The following NELL1 variants were observed in gnomAD, a reference collection of about 807,000 sequenced individuals.
NELL1 encodes neural EGFL like 1.
NELL1 carries 76 observed loss-of-function variants against 107.4 expected under a neutral mutation model. The observed-to-expected ratio is 0.71, with a 90% CI of 0.59 to 0.86. The LOEUF (loss-of-function observed/expected upper bound fraction) is 0.86. Ranked by LOEUF, NELL1 falls within the 40% of genes least tolerant of loss-of-function variation. The pLI is 0.00. For synonymous variants in NELL1, 353 were observed against 341.2 expected, an observed-to-expected ratio of 1.03 and a Z score of -0.38; for missense variants, 1,024 against 1,005.5, an observed-to-expected ratio of 1.02 and a Z score of -0.25.
intron 14 of NELL1, among the ~76,000 whole-genome samples, chr11:21,333,657 A>G (rs1483015433): frequency 2.6e-5 from 4 of 151,992 alleles, no homozygotes; most frequent in African/African-American, 7.2e-5. Context: ...CAGCTCCTGG[A>G]CTTTGTAAAG....
chr11:21,382,203 G>C (rs60803270), intron 15 of NELL1, among the ~76,000 whole-genome samples: 4,455 of 151,850 alleles, frequency 0.029, 151 homozygotes, highest in African/African-American at 0.08. Flanking sequence ...TGTGAATAGG[G>C]ACAACCTCAG....
chr11:20,990,122 G>T (rs1288830120), intron 12 of NELL1, among the ~76,000 whole-genome samples: 3 of 152,160 alleles, frequency 2.0e-5, no homozygotes, highest in African/African-American at 4.8e-5. Context: ...AATATGGGGG[G>T]AGTACAGTTT....
At position 21,481,852 on chromosome 11, in the gene NELL1, C is replaced by T. The variant is rs1427339442; in HGVS notation, c.1646-52522C>T. Among the ~76,000 whole-genome samples the T allele has an allele frequency of 5.3e-5, 8 of 152,094 alleles. No individual in the cohort carries two copies. In the East Asian group the frequency reaches 7.7e-4, roughly 15 times the overall value. On this transcript the variant is annotated intron_variant, in intron 15 of 19. Coordinates refer to ENST00000357134, the MANE Select transcript of NELL1 (RefSeq NM_006157.5). ...TTACACAAAGAGTATGCCATAGCTCCGCTGGTAGAGGTAAGAATTTTACGG... is the reference window on the plus strand; with the variant it reads ...TTACACAAAGAGTATGCCATAGCTCTGCTGGTAGAGGTAAGAATTTTACGG...
At chr11:21,057,152 A>T (rs899974420) in intron 12 of NELL1, among the ~76,000 whole-genome samples, 7 of 152,122 alleles carry the variant, frequency 4.6e-5, no homozygotes, top group Admixed American at 2.6e-4. Context: ...TAAACATGTA[A>T]ATTTTAAAAA....
intron 14 of NELL1, among the ~76,000 whole-genome samples, chr11:21,352,359 A>G (rs1407266601): frequency 2.6e-5 from 4 of 152,138 alleles, no homozygotes; most frequent in Non-Finnish European, 5.9e-5. Context: ...GTTATTGTTA[A>G]GTGCTTAGGA....
At chr11:21,029,214 ACTC>A (rs1252924332) in intron 12 of NELL1, among the ~76,000 whole-genome samples, 1 of 152,164 alleles carries the variant, frequency 6.6e-6, no homozygotes, top group African/African-American at 2.4e-5. Context: ...TGACACAAGG[ACTC>A]AAATACAGAA....
At chr11:21,521,774 T>C (rs1211532095) in intron 15 of NELL1, among the ~76,000 whole-genome samples, 1 of 152,200 alleles carries the variant, frequency 6.6e-6, no homozygotes, top group Non-Finnish European at 1.5e-5. Flanking sequence ...CATTTGTTAA[T>C]TTTTGTCTTA....
chr11:20,915,717 A>ATATATATATATATAT lies in NELL1; in HGVS notation c.604-2464_604-2463insATATATATATATATT. Among the ~76,000 whole-genome samples, 29 of 58,218 alleles carry ATATATATATATATAT rather than the reference A, an allele frequency of 5.0e-4. 1 individual carries two copies. The highest frequency in any genetic ancestry group is 1.8e-3 in the African/African-American group (20 of 11,322). The allele number at this position is 58,218 out of a possible 152,430, so 38.2% of individuals were successfully genotyped here. The stretch of plus-strand genomic sequence containing the variant: ...TCATAGATGATATATATATATATAT[A>ATATATATATATATAT]TTTTTTTTTTTTTTTTTTGAGAGGA... On this transcript the variant is annotated intron_variant, in intron 5 of 19. Transcript: ENST00000357134.
intron 15 of NELL1, among the ~76,000 whole-genome samples, chr11:21,442,770 A>G (rs745969092): frequency 1.4e-4 from 22 of 152,134 alleles, no homozygotes; most frequent in Non-Finnish European, 2.1e-4. Flanking sequence ...CTGAAGCACT[A>G]CTTAACAATA....
intron 15 of NELL1, among the ~76,000 whole-genome samples, chr11:21,466,884 TGTCCC>T (rs1854045954): frequency 1.3e-5 from 2 of 151,900 alleles, no homozygotes; most frequent in African/African-American, 4.8e-5. Flanking sequence ...GTTGAAGACT[TGTCCC>T]GTATCTCATA....
chr11:20,993,606 G>T (rs1307675917), intron 12 of NELL1, among the ~76,000 whole-genome samples: 2 of 152,092 alleles, frequency 1.3e-5, no homozygotes, highest in Non-Finnish European at 2.9e-5. Context: ...TCAAGTCTTG[G>T]ACATAAAATG....
At chr11:21,468,059 C>T (rs1370099305) in intron 15 of NELL1, among the ~76,000 whole-genome samples, 1 of 151,910 alleles carries the variant, frequency 6.6e-6, no homozygotes, top group Non-Finnish European at 1.5e-5. Flanking sequence ...GCATAAAAGG[C>T]CATTTGTAAT....
In NELL1 at chr11:20,831,292, A is replaced by T. The variant is rs966915705; in HGVS notation, c.336-16291A>T. 2.0e-5 allele frequency among the ~76,000 whole-genome samples: 3 copies of T among 152,208 alleles called. No individual in the cohort carries two copies. The East Asian group carries it at 5.8e-4, about 29-fold the overall frequency. ...TCACCTGGGGCTTACTAGAAATGCC[A>T]TATCTCAGACCCCAGCAGACCTTCT... On this transcript the variant is annotated intron_variant, in intron 3 of 19. Coordinates refer to ENST00000357134, the MANE Select transcript of NELL1 (RefSeq NM_006157.5).
intron 13 of NELL1, among the ~76,000 whole-genome samples, chr11:21,143,563 G>A (rs1855913522): frequency 6.6e-6 from 1 of 152,134 alleles, no homozygotes; most frequent in South Asian, 2.1e-4. Context: ...GCATAGTGGG[G>A]CTGTAAGGCC....
chr11:20,792,629 C>T (rs1041179533), intron 3 of NELL1, among the ~76,000 whole-genome samples: 2 of 151,714 alleles, frequency 1.3e-5, no homozygotes, highest in African/African-American at 4.8e-5. Context: ...TTTGTGTCTG[C>T]CCCCTTTTAT....
intron 12 of NELL1, among the ~76,000 whole-genome samples, chr11:21,013,090 C>T (rs1852483182): frequency 6.6e-6 from 1 of 152,134 alleles, no homozygotes; most frequent in South Asian, 2.1e-4. Context: ...TAAATTTCTG[C>T]CCAAGTTACT....
intron 12 of NELL1, among the ~76,000 whole-genome samples, chr11:21,084,791 G>C (rs550064970): frequency 1.3e-5 from 2 of 152,288 alleles, no homozygotes; most frequent in African/African-American, 4.8e-5. Flanking sequence ...ATAGTTGGGA[G>C]AGCTTAGTGG....
At chr11:21,285,978 A>C (rs1013223677) in intron 14 of NELL1, among the ~76,000 whole-genome samples, 3 of 152,210 alleles carry the variant, frequency 2.0e-5, no homozygotes, top group African/African-American at 7.2e-5. Flanking sequence ...TAGTTTTATC[A>C]GTAGGAAAGG....
chr11:20,917,383 A>C (rs1318641181), intron 5 of NELL1, among the ~76,000 whole-genome samples: 1 of 151,992 alleles, frequency 6.6e-6, no homozygotes, highest in Non-Finnish European at 1.5e-5. Context: ...TTAGAAGATA[A>C]GCACATATAT....
Sources: allele counts gnomAD v4.1 joint callset (sites outside exome capture counted in the v4.1 genomes callset), GRCh38; gene constraint gnomAD v4.1.1; transcripts MANE v1.5; gene names NCBI Gene and HGNC (gene_info 2026-07-23, HGNC 2026-07-21).